Variants in FBXO28 observed in about 807,000 individuals in gnomAD.
FBXO28 encodes F-box only protein 28.
FBXO28 carries 8 observed loss-of-function variants against 38.1 expected under a neutral mutation model. The ratio of observed to expected loss-of-function variants is 0.21; its 90% confidence interval spans 0.12 to 0.38. FBXO28 has a LOEUF of 0.38. Ranked by LOEUF, FBXO28 falls within the 10% of genes least tolerant of loss-of-function variation. The probability of loss-of-function intolerance (pLI) is 1.00; values close to 1 mark genes in which losing one functional copy is unlikely to be tolerated. For synonymous variants in FBXO28, 168 were observed against 173.8 expected (o/e 0.97, Z 0.26); for missense variants, 345 against 460.6 (o/e 0.75, Z 2.30).
At chr1:224,139,838 T>C (rs1657302232) in intron 3 of FBXO28, among the ~76,000 whole-genome samples, 1 of 151,694 alleles carries the variant, frequency 6.6e-6, no homozygotes, top group Admixed American at 6.6e-5. Context: ...CCTGTAATCC[T>C]AATACTTTGG....
rs1360016153 is a variant in FBXO28 at position 224,158,471 on chromosome 1, A to G, written c.*725A>G. On this transcript the variant is annotated 3_prime_UTR_variant, in exon 5 of 5. Coordinates refer to ENST00000366862, the MANE Select transcript of FBXO28 (RefSeq NM_015176.4). Reference sequence around the variant, plus strand: ...AGCTCTTGCACTGGTATTGATCTTGAACCTCTATACTTCTCCACTTTTTAG... The same window carrying G: ...AGCTCTTGCACTGGTATTGATCTTGGACCTCTATACTTCTCCACTTTTTAG... 6.5e-6 allele frequency: 1 copy of G among 153,386 alleles called. No homozygotes were observed. 9.5% of individuals were successfully genotyped at this position (153,386 alleles called of 1,614,324 possible).
At chr1:224,149,274 CTTTTT>C (rs33992744) in intron 3 of FBXO28, among the ~76,000 whole-genome samples, 2 of 129,992 alleles carry the variant, frequency 1.5e-5, no homozygotes, top group Non-Finnish European at 3.3e-5. Context: ...ACCATATAAT[CTTTTT>C]TTTTTTTTTT....
intron 3 of FBXO28, among the ~76,000 whole-genome samples, chr1:224,141,690 T>C (rs567009913): frequency 6.6e-6 from 1 of 152,134 alleles, no homozygotes; most frequent in South Asian, 2.1e-4. Context: ...TAGGTGATTA[T>C]AACACAATCA....
chr1:224,141,949 C>T (rs1343960471), intron 3 of FBXO28, among the ~76,000 whole-genome samples: 1 of 150,860 alleles, frequency 6.6e-6, no homozygotes, highest in African/African-American at 2.4e-5. Flanking sequence ...AGTGCAGTGG[C>T]ATGACCACAG....
intron 3 of FBXO28, among the ~76,000 whole-genome samples, chr1:224,150,799 C>A (rs528508594): frequency 6.6e-6 from 1 of 152,160 alleles, no homozygotes; most frequent in African/African-American, 2.4e-5. Flanking sequence ...TCCTGCCTTT[C>A]CTGATAGAAA....
At chr1:224,127,560 T>A (rs929675000) in intron 1 of FBXO28, among the ~76,000 whole-genome samples, 2 of 152,196 alleles carry the variant, frequency 1.3e-5, no homozygotes, top group Non-Finnish European at 2.9e-5. Context: ...CAGTAGACAC[T>A]GAACAAATAC....
chr1:224,139,752 A>ACATG (rs56730196), intron 3 of FBXO28, among the ~76,000 whole-genome samples: 6,828 of 109,654 alleles, frequency 0.062, 236 homozygotes, highest in African/African-American at 0.095. Flanking sequence ...ATAAATACAT[A>ACATG]CATGCATGCA....
chr1:224,140,573 T>C (rs541233048), intron 3 of FBXO28, among the ~76,000 whole-genome samples: 16 of 152,152 alleles, frequency 1.1e-4, no homozygotes, highest in Non-Finnish European at 2.1e-4. Flanking sequence ...ACATTTCTCC[T>C]TTTACTATGC....
intron 1 of FBXO28, among the ~76,000 whole-genome samples, chr1:224,118,662 G>A (rs1171011596): frequency 2.0e-5 from 3 of 151,850 alleles, no homozygotes; most frequent in Non-Finnish European, 4.4e-5. Flanking sequence ...TAGTTATAGA[G>A]TGGGTTGGTT....
intron 3 of FBXO28, among the ~76,000 whole-genome samples, chr1:224,137,765 A>C (rs752922758): frequency 1.3e-5 from 2 of 151,876 alleles, no homozygotes; most frequent in South Asian, 2.1e-4. Flanking sequence ...AGTGGGACTG[A>C]TAACAGGAAG....
At position 224,118,948 on chromosome 1, in the gene FBXO28, C is replaced by T. The variant is rs575087146; in HGVS notation, c.267+4552C>T. ...CTTCTGGAAAATTCCACTGGATACT[C>T]GTGAGAGAATGAGTGGAAAAGGCAA... On this transcript the variant is annotated intron_variant, in intron 1 of 4. Transcript: ENST00000366862. 3.9e-4 allele frequency among the ~76,000 whole-genome samples: 59 copies of T among 152,166 alleles called. No homozygotes were observed. In the South Asian group the frequency reaches 8.9e-3, roughly 23 times the overall value.
intron 1 of FBXO28, among the ~76,000 whole-genome samples, chr1:224,128,549 A>T (rs1402013996): frequency 6.6e-6 from 1 of 152,164 alleles, no homozygotes; most frequent in East Asian, 1.9e-4. Flanking sequence ...AATCCTAATG[A>T]TATCCTATGG....
At position 224,153,326 on chromosome 1, in the gene FBXO28, G is replaced by C. The variant is rs1657690740; in HGVS notation, c.701G>C (p.Gly234Ala). The C allele has an allele frequency of 6.3e-7, 1 of 1,587,796 alleles. No homozygotes were observed. The highest frequency in any genetic ancestry group is 8.5e-7 in the Non-Finnish European group (1 of 1,170,244). Residue 234 changes from glycine to alanine, a missense_variant, in exon 4 of 5, where the codon GGC becomes GCC. This residue lies in a region of FBXO28 where 151 missense variants were observed against 188.3 expected (regional missense o/e 0.80). Coordinates refer to ENST00000366862, the MANE Select transcript of FBXO28 (RefSeq NM_015176.4). ...TCAGATGTTTCTGGAAGACTCATGG[G>C]CTCTCCTCCAGGTATCTCTACTTTA... ...PGSDVSGRLM[G>A]SPPVPGPSAA...
chr1:224,114,197 C>T lies in FBXO28; in HGVS notation c.68C>T (p.Ser23Phe). The T allele has an allele frequency of 6.5e-7, 1 of 1,548,612 alleles. No individual in the cohort carries two copies. The highest frequency in any genetic ancestry group is 8.7e-7 in the Non-Finnish European group (1 of 1,146,550). The change falls in exon 1 of 5, where the codon TCT (serine) becomes TTT (phenylalanine). Residue 23 changes from serine (S) to phenylalanine (F), a missense_variant. Transcript: ENST00000366862. ...GGCGGCCAAGGCGACGGCGGTTCCTCTTTGGCCTCCGGCTCTACCCAGCGA... is the reference window on the plus strand; with the variant it reads ...GGCGGCCAAGGCGACGGCGGTTCCTTTTTGGCCTCCGGCTCTACCCAGCGA... ...GGGGQGDGGS[S>F]LASGSTQRQP...
chr1:224,114,151 C>T lies in FBXO28; in HGVS notation c.22C>T (p.Arg8Trp), dbSNP rs143831581. 1.7e-4 allele frequency: 269 copies of T among 1,543,886 alleles called. No individual in the cohort carries two copies. The highest frequency in any genetic ancestry group is 2.2e-4 in the Non-Finnish European group (257 of 1,144,262). Residue 8 changes from arginine (R) to tryptophan (W), a missense_variant, in exon 1 of 5, where the codon CGG becomes TGG. Physicochemically the swap from Arg to Trp is moderately radical, Grantham distance 101. This residue lies in a region of FBXO28 where 104 missense variants were observed against 82.0 expected (regional missense o/e 1.27). Coordinates refer to ENST00000366862, the MANE Select transcript of FBXO28 (RefSeq NM_015176.4). MAAAAEE[R>W]MAEEGGGGQG... Reference sequence around the variant, plus strand: ...CAAGATGGCGGCAGCGGCGGAGGAGCGGATGGCAGAGGAAGGAGGCGGCGG... The same window carrying T: ...CAAGATGGCGGCAGCGGCGGAGGAGTGGATGGCAGAGGAAGGAGGCGGCGG...
intron 3 of FBXO28, among the ~76,000 whole-genome samples, chr1:224,145,758 A>G (rs1045015843): frequency 6.6e-6 from 1 of 152,064 alleles, no homozygotes. Flanking sequence ...CTCCACCTCT[A>G]CTAAAAGTAC....
In FBXO28 at chr1:224,158,269, A is replaced by AT; in HGVS notation, c.*523_*524insT. ...TGGTATTGAAGTAATGGGTAACTAAAATGGACTTCCATAGTATTGACTGTA... is the reference window on the plus strand; with the variant it reads ...TGGTATTGAAGTAATGGGTAACTAAATATGGACTTCCATAGTATTGACTGTA... On this transcript the variant is annotated 3_prime_UTR_variant, in exon 5 of 5. Transcript: ENST00000366862. The AT allele has an allele frequency of 2.1e-6, 2 of 965,470 alleles. No homozygotes were observed. The highest frequency in any genetic ancestry group is 2.5e-6 in the Non-Finnish European group (2 of 811,382). The allele number at this position is 965,470 out of a possible 1,614,324, so 59.8% of individuals were successfully genotyped here. A position where few individuals can be genotyped will look rare whatever the true frequency, so the allele number is the denominator to read the frequency against.
chr1:224,132,369 A>G (rs1442158175), intron 2 of FBXO28, among the ~76,000 whole-genome samples: 1 of 152,246 alleles, frequency 6.6e-6, no homozygotes, highest in Non-Finnish European at 1.5e-5. Flanking sequence ...AATCAAAACC[A>G]CTACGAGATT....
At chr1:224,148,784 C>T (rs1320479517) in intron 3 of FBXO28, among the ~76,000 whole-genome samples, 1 of 152,192 alleles carries the variant, frequency 6.6e-6, no homozygotes, top group Non-Finnish European at 1.5e-5. Flanking sequence ...CACATCATCC[C>T]TGTGCTCAAC....
Sources: gnomAD v4.1 joint callset for allele counts (sites outside exome capture counted in the v4.1 genomes callset) on GRCh38, gnomAD v4.1.1 for gene constraint, gnomAD v4.1.1 regional missense constraint, MANE v1.5 for transcripts, NCBI Gene and HGNC (gene_info 2026-07-23, HGNC 2026-07-21) for gene names.